ACTL8: variants seen among roughly 807,000 people sequenced by gnomAD.
ACTL8 encodes actin like 8, also known as actin-like protein 8.
Under a neutral mutation model 9.3 loss-of-function variants are expected in ACTL8, and 3 were observed. That is an observed-to-expected ratio of 0.32 (90% CI 0.15 to 0.83). The LOEUF is 0.83. Ranked by LOEUF, ACTL8 falls within the 40% of genes least tolerant of loss-of-function variation. ACTL8 has a pLI of 0.57. For missense variants in ACTL8, 381 were observed against 492.2 expected (o/e 0.77, Z 2.14); for synonymous variants, 224 against 205.9 (o/e 1.09, Z -0.75).
intron 1 of ACTL8, among the ~76,000 whole-genome samples, chr1:17,799,703 C>T (rs1409660412): frequency 6.6e-6 from 1 of 152,148 alleles, no homozygotes; most frequent in African/African-American, 2.4e-5. Context: ...ACAATCTCTT[C>T]CCTTAGCTTT....
In ACTL8 at chr1:17,763,861, T is replaced by G. The variant is rs766746670; in HGVS notation, c.-25+8357T>G. On this transcript the variant is annotated intron_variant, in intron 1 of 2. Coordinates refer to ENST00000375406, the MANE Select transcript of ACTL8 (RefSeq NM_030812.3). ...GCCCTCGGGAAACAGGGGTTGGCCC[T>G]CTGGAAACAGGGGTTGCGATGGAGC... 9.9e-4 allele frequency among the ~76,000 whole-genome samples: 151 copies of G among 152,266 alleles called. 1 individual carries two copies. Among genetic ancestry groups the G allele is most frequent in the Non-Finnish European group, 1.8e-3 (121 of 68,014 alleles).
intron 1 of ACTL8, among the ~76,000 whole-genome samples, chr1:17,775,026 G>T (rs2066109649): frequency 1.3e-5 from 2 of 152,160 alleles, no homozygotes; most frequent in Non-Finnish European, 2.9e-5. Context: ...TTCCTGGGAG[G>T]TGCTCCTTGC....
In ACTL8 at chr1:17,767,963, AG is replaced by A; in HGVS notation, c.-25+12460del. Among the ~76,000 whole-genome samples, 1 of 152,090 alleles carries A rather than the reference AG, an allele frequency of 6.6e-6. No homozygotes were observed. The highest frequency in any genetic ancestry group is 1.5e-5 in the Non-Finnish European group (1 of 68,022). On this transcript the variant is annotated intron_variant, in intron 1 of 2. Coordinates refer to ENST00000375406, the MANE Select transcript of ACTL8 (RefSeq NM_030812.3). The surrounding 1 kb of genome is among the most constrained non-coding windows in gnomAD (Gnocchi z 4.7). Reference sequence around the variant, plus strand: ...GGTGGGACTGGGTGTCTGTGGGTTCAGTCCTGGGGGGCAGGGGTGAGCATAT... The same window carrying A: ...GGTGGGACTGGGTGTCTGTGGGTTCATCCTGGGGGGCAGGGGTGAGCATAT...
intron 1 of ACTL8, among the ~76,000 whole-genome samples, chr1:17,791,612 C>T (rs908958831): frequency 1.3e-5 from 2 of 152,208 alleles, no homozygotes; most frequent in African/African-American, 2.4e-5. Flanking sequence ...TGGCAGATGC[C>T]TCCCTGAGGG....
At chr1:17,797,722 T>C (rs1393349212) in intron 1 of ACTL8, among the ~76,000 whole-genome samples, 2 of 152,178 alleles carry the variant, frequency 1.3e-5, no homozygotes, top group African/African-American at 2.4e-5. Flanking sequence ...CTGTTTCCTC[T>C]CTGAACCCTG....
intron 1 of ACTL8, among the ~76,000 whole-genome samples, chr1:17,772,087 C>T (rs1053681521): frequency 6.6e-5 from 10 of 152,244 alleles, no homozygotes; most frequent in South Asian, 4.1e-4. Flanking sequence ...GCATGCGCTT[C>T]GTGTATCCCC....
intron 1 of ACTL8, among the ~76,000 whole-genome samples, chr1:17,800,917 A>G (rs887493235): frequency 6.6e-6 from 1 of 152,100 alleles, no homozygotes; most frequent in Non-Finnish European, 1.5e-5. Context: ...CTTAAGAGAA[A>G]TAAGGTGAAA....
intron 1 of ACTL8, among the ~76,000 whole-genome samples, chr1:17,797,732 G>A (rs1333791707): frequency 6.6e-6 from 1 of 152,132 alleles, no homozygotes; most frequent in Non-Finnish European, 1.5e-5. Flanking sequence ...TCTGAACCCT[G>A]AATCTCATTT....
At chr1:17,760,536 T>A (rs1347707080) in intron 1 of ACTL8, among the ~76,000 whole-genome samples, 1 of 152,170 alleles carries the variant, frequency 6.6e-6, no homozygotes, top group African/African-American at 2.4e-5. Context: ...TTTAGGTGTT[T>A]CAGGCAGGAT....
At chr1:17,790,405 T>A (rs2066230837) in intron 1 of ACTL8, among the ~76,000 whole-genome samples, 1 of 152,176 alleles carries the variant, frequency 6.6e-6, no homozygotes, top group African/African-American at 2.4e-5. Flanking sequence ...CCTGGAAGAA[T>A]GAGATAGGCA....
chr1:17,815,854 TTCTC>T (rs1270605044), intron 1 of ACTL8, among the ~76,000 whole-genome samples: 1 of 152,206 alleles, frequency 6.6e-6, no homozygotes, highest in Non-Finnish European at 1.5e-5. Flanking sequence ...GTAAATTTTT[TTCTC>T]TCTGTGTTTT....
chr1:17,756,980 C>T lies in ACTL8; in HGVS notation c.-25+1476C>T, dbSNP rs535111980. Reference sequence around the variant, plus strand: ...CTATTTAAAACATACATAGGCAGGCCGGGCACAGGCATGGTGGCTCAGGCC... The same window carrying T: ...CTATTTAAAACATACATAGGCAGGCTGGGCACAGGCATGGTGGCTCAGGCC... On this transcript the variant is annotated intron_variant, in intron 1 of 2. Transcript: ENST00000375406. 7.2e-5 allele frequency among the ~76,000 whole-genome samples: 11 copies of T among 152,148 alleles called. No individual in the cohort carries two copies. The South Asian group carries it at 1.0e-3, about 14-fold the overall frequency.
intron 1 of ACTL8, among the ~76,000 whole-genome samples, chr1:17,781,691 G>C (rs1417739957): frequency 6.6e-6 from 1 of 152,136 alleles, no homozygotes; most frequent in African/African-American, 2.4e-5. Flanking sequence ...TGAATTTTGG[G>C]GGACATGATT....
Position 17,823,210 on chromosome 1 carries a change from G to T in ACTL8, c.202G>T (p.Glu68Ter). 1 of 1,614,154 alleles carries T rather than the reference G, an allele frequency of 6.2e-7. No individual in the cohort carries two copies. ...CHPDTFSYPI[E>*]RGRILNWEGV... ...TCCTGACACCTTTAGCTACCCCATC[G>T]AGCGGGGCCGCATCCTCAACTGGGA... The change falls in exon 2 of 3, where the codon GAG becomes TAG. Residue 68 changes from glutamate (E) to a stop codon, truncating the protein, a stop_gained. Transcript: ENST00000375406. LOFTEE classifies it high-confidence loss of function. The surrounding 1 kb of genome is among the most constrained non-coding windows in gnomAD (Gnocchi z 5.3).
chr1:17,762,181 C>T (rs749142949), intron 1 of ACTL8, among the ~76,000 whole-genome samples: 7 of 151,948 alleles, frequency 4.6e-5, no homozygotes, highest in Admixed American at 2.6e-4. Flanking sequence ...ACTGAGTTCC[C>T]GGGACCCAGG....
chr1:17,805,961 T>G (rs2066357580), intron 1 of ACTL8, among the ~76,000 whole-genome samples: 1 of 152,334 alleles, frequency 6.6e-6, no homozygotes, highest in Admixed American at 6.5e-5. Context: ...AGATGTCACC[T>G]ACCCTGATGA....
chr1:17,825,795 C>T lies in ACTL8; in HGVS notation c.377C>T (p.Ser126Leu), dbSNP rs1323461105. The part of the protein sequence containing the change: ...EILFELLHVP[S>L]VLLADQLQMS... ...CTGTTTGAGTTGCTGCATGTCCCAT[C>T]GGTCCTCCTGGCCGACCAGCTGCAG... Residue 126 changes from serine (S) to leucine (L), a missense_variant, in exon 3 of 3, where the codon TCG becomes TTG. Physicochemically the swap from Ser to Leu is moderately radical, Grantham distance 145. This residue lies in a region of ACTL8 where 125 missense variants were observed against 180.7 expected (regional missense o/e 0.69). Coordinates refer to ENST00000375406, the MANE Select transcript of ACTL8 (RefSeq NM_030812.3). 1.9e-6 allele frequency: 3 copies of T among 1,613,606 alleles called. No individual in the cohort carries two copies. Among genetic ancestry groups the T allele is most frequent in the South Asian group, 2.2e-5 (2 of 91,076 alleles).
intron 1 of ACTL8, 57 bp downstream of exon 1, chr1:17,755,561 T>G (rs964972707): frequency 6.6e-6 from 1 of 151,708 alleles, no homozygotes; most frequent in African/African-American, 2.4e-5. Context: ...TGACTGTTTT[T>G]TTTTTTTTTT....
chr1:17,779,270 G>A (rs976242908), intron 1 of ACTL8, among the ~76,000 whole-genome samples: 1 of 152,052 alleles, frequency 6.6e-6, no homozygotes, highest in Non-Finnish European at 1.5e-5. Context: ...ATTCAGCTGG[G>A]GCAAGCCACC....
Sources: allele counts gnomAD v4.1 joint callset (sites outside exome capture counted in the v4.1 genomes callset), GRCh38; gene constraint gnomAD v4.1.1; regional missense constraint gnomAD v4.1.1; non-coding constraint Gnocchi (gnomAD v3.1); transcripts MANE v1.5; gene names NCBI Gene and HGNC (gene_info 2026-07-23, HGNC 2026-07-21).